Variants in CALN1 observed in about 807,000 individuals in gnomAD.
CALN1 encodes calcium-binding protein 8.
CALN1 carries 17 observed loss-of-function variants against 30.6 expected under a neutral mutation model. The ratio of observed to expected loss-of-function variants is 0.56; its 90% CI spans 0.38 to 0.83. The LOEUF is 0.83. Ranked by LOEUF, CALN1 falls within the 40% of genes least tolerant of loss-of-function variation. CALN1 has a pLI of 0.00. For missense variants in CALN1, 291 were observed against 354.9 expected, an observed-to-expected ratio of 0.82 and a Z score of 1.45; for synonymous variants, 156 against 131.4, an observed-to-expected ratio of 1.19 and a Z score of -1.28.
At chr7:71,847,858 G>A (rs1403883666) in intron 5 of CALN1, among the ~76,000 whole-genome samples, 1 of 151,386 alleles carries the variant, frequency 6.6e-6, no homozygotes, top group Non-Finnish European at 1.5e-5. Context: ...AGAAGAAGAA[G>A]AGGAAAGTTT....
At chr7:72,365,021 T>C (rs1364323355) in intron 2 of CALN1, among the ~76,000 whole-genome samples, 1 of 151,958 alleles carries the variant, frequency 6.6e-6, no homozygotes, top group Admixed American at 6.6e-5. Context: ...AATATAAAAA[T>C]TAGCCGGGCG....
At chr7:72,085,397 T>G (rs1247046863) in intron 4 of CALN1, among the ~76,000 whole-genome samples, 1 of 152,212 alleles carries the variant, frequency 6.6e-6, no homozygotes, top group East Asian at 1.9e-4. Flanking sequence ...CATCCTTTTT[T>G]TACAGTATAT....
intron 3 of CALN1, among the ~76,000 whole-genome samples, chr7:72,193,720 C>A (rs11763034): frequency 0.16 from 25,031 of 151,926 alleles, 2,534 homozygotes; most frequent in East Asian, 0.28. Flanking sequence ...ATAAAAGGTT[C>A]AGTAAAAATA....
intron 5 of CALN1, among the ~76,000 whole-genome samples, chr7:71,988,484 T>C (rs1798791567): frequency 6.6e-6 from 1 of 152,152 alleles, no homozygotes; most frequent in South Asian, 2.1e-4. Context: ...TCAGAGAGCA[T>C]ACTTGTTGGT....
At chr7:71,788,479 T>TGG (rs1203232366) in intron 6 of CALN1, among the ~76,000 whole-genome samples, 1 of 128,446 alleles carries the variant, frequency 7.8e-6, no homozygotes, top group South Asian at 2.6e-4. Context: ...TACTAAGAGG[T>TGG]TTTTTTTTGT....
At chr7:72,026,615 TA>T (rs1288543220) in intron 4 of CALN1, among the ~76,000 whole-genome samples, 1 of 151,828 alleles carries the variant, frequency 6.6e-6, no homozygotes, top group Non-Finnish European at 1.5e-5. Context: ...GGGGTCTTGC[TA>T]TGTTGCCCAG....
intron 5 of CALN1, among the ~76,000 whole-genome samples, chr7:71,912,199 C>T (rs1017736826): frequency 2.6e-5 from 4 of 152,078 alleles, no homozygotes; most frequent in African/African-American, 4.8e-5. Flanking sequence ...CCAAACAGAA[C>T]GGAGGTCCAG....
At chr7:71,899,588 T>C (rs1322910923) in intron 5 of CALN1, among the ~76,000 whole-genome samples, 1 of 152,224 alleles carries the variant, frequency 6.6e-6, no homozygotes, top group Non-Finnish European at 1.5e-5. Context: ...CAAAAGCCTA[T>C]ATCTTAAAGG....
chr7:72,197,927 C>T (rs1791147975), intron 3 of CALN1, among the ~76,000 whole-genome samples: 2 of 152,008 alleles, frequency 1.3e-5, no homozygotes, highest in African/African-American at 4.8e-5. Context: ...TGCAGAGTTT[C>T]TGCATTGAGG....
chr7:71,949,057 A>T (rs1796556333), intron 5 of CALN1, among the ~76,000 whole-genome samples: 1 of 151,478 alleles, frequency 6.6e-6, no homozygotes, highest in Non-Finnish European at 1.5e-5. Flanking sequence ...AAAAAAAAAA[A>T]AAAAAAAAAA....
intron 3 of CALN1, among the ~76,000 whole-genome samples, chr7:72,233,502 G>GAC (rs1794256654): frequency 6.6e-6 from 1 of 152,146 alleles, no homozygotes; most frequent in Non-Finnish European, 1.5e-5. Flanking sequence ...GATCACTTGA[G>GAC]ACCAGGAGTT....
At chr7:71,866,865 C>T (rs545382555) in intron 5 of CALN1, among the ~76,000 whole-genome samples, 144 of 152,216 alleles carry the variant, frequency 9.5e-4, no homozygotes, top group Non-Finnish European at 1.6e-3. Flanking sequence ...TAAGGGCAGG[C>T]CGAGTGTGGT....
At chr7:72,368,444 A>G (rs116822219) in intron 2 of CALN1, among the ~76,000 whole-genome samples, 1,931 of 152,004 alleles carry the variant, frequency 0.013, 58 homozygotes, top group African/African-American at 0.044. Flanking sequence ...ATTCTGCACG[A>G]CTTTGGCTTC....
chr7:71,966,871 T>C (rs1797555023), intron 5 of CALN1, among the ~76,000 whole-genome samples: 1 of 152,188 alleles, frequency 6.6e-6, no homozygotes, highest in Admixed American at 6.5e-5. Context: ...ACTTTGTAAG[T>C]TGTAAATCCC....
chr7:72,156,583 C>G (rs1787698821), intron 3 of CALN1, among the ~76,000 whole-genome samples: 1 of 152,186 alleles, frequency 6.6e-6, no homozygotes, highest in African/African-American at 2.4e-5. Context: ...GGGAAGGGCC[C>G]CATGAGTCCC....
chr7:71,886,205 C>T (rs912157191), intron 5 of CALN1, among the ~76,000 whole-genome samples: 1 of 152,274 alleles, frequency 6.6e-6, no homozygotes, highest in African/African-American at 2.4e-5. Flanking sequence ...GCCCTTGCCC[C>T]ACCGCCGCAA....
intron 5 of CALN1, among the ~76,000 whole-genome samples, chr7:71,902,078 A>G (rs1288165341): frequency 6.6e-6 from 1 of 152,204 alleles, no homozygotes; most frequent in Non-Finnish European, 1.5e-5. Flanking sequence ...CAACAAGAAG[A>G]TAACAAGTAA....
At chr7:72,357,807 ATTTTATATATTTATATATAT>A (rs1260281173) in intron 2 of CALN1, among the ~76,000 whole-genome samples, 4 of 147,698 alleles carry the variant, frequency 2.7e-5, no homozygotes, top group Admixed American at 6.8e-5. Flanking sequence ...AGAAACTTTT[ATTTTATATATTTATATATAT>A]TTTTATATAT....
chr7:71,970,276 A>G (rs183954234), intron 5 of CALN1, among the ~76,000 whole-genome samples: 5 of 152,296 alleles, frequency 3.3e-5, no homozygotes, highest in African/African-American at 1.2e-4. Flanking sequence ...TCTCCTATAA[A>G]GATTCATTTA....
Sources: allele counts gnomAD v4.1 joint callset (sites outside exome capture counted in the v4.1 genomes callset), GRCh38; gene constraint gnomAD v4.1.1; transcripts MANE v1.5; gene names NCBI Gene and HGNC (gene_info 2026-07-23, HGNC 2026-07-21).